The following KCNH8 variants were observed in gnomAD, a reference collection of about 807,000 sequenced individuals.
The protein encoded by KCNH8 is voltage-gated delayed rectifier potassium channel KCNH8.
Under a neutral mutation model 103.6 loss-of-function variants are expected in KCNH8, and 70 were observed. The observed-to-expected ratio is 0.68, with a 90% CI of 0.56 to 0.82. The LOEUF is 0.82. Among genes scored for constraint, KCNH8 ranks in the 40% least tolerant of loss-of-function variants. KCNH8 has a pLI of 0.00. For missense variants in KCNH8, 1,217 were observed against 1,329.9 expected (o/e 0.92, Z 1.32); for synonymous variants, 498 against 489.4 (o/e 1.02, Z -0.23).
chr3:19,508,932 G>A (rs76156395), intron 11 of KCNH8, among the ~76,000 whole-genome samples: 2,225 of 152,160 alleles, frequency 0.015, 55 homozygotes, highest in African/African-American at 0.049. Context: ...TATCTCTAAC[G>A]GTATCTGTGA....
At chr3:19,165,486 T>C (rs1413936062) in intron 1 of KCNH8, among the ~76,000 whole-genome samples, 1 of 152,180 alleles carries the variant, frequency 6.6e-6, no homozygotes, top group African/African-American at 2.4e-5. Context: ...TGATTTTTTT[T>C]GGTCATTAGC....
intron 1 of KCNH8, among the ~76,000 whole-genome samples, chr3:19,253,347 C>G (rs539928421): frequency 1.3e-5 from 2 of 151,994 alleles, no homozygotes; most frequent in African/African-American, 4.8e-5. Flanking sequence ...TATATGAAAC[C>G]AGAAGCCATG....
At chr3:19,519,096 C>T (rs2068926873) in intron 15 of KCNH8, among the ~76,000 whole-genome samples, 1 of 151,906 alleles carries the variant, frequency 6.6e-6, no homozygotes, top group Non-Finnish European at 1.5e-5. Flanking sequence ...CAAAATTATT[C>T]AACCAAGGAG....
At chr3:19,217,316 A>C (rs917641418) in intron 1 of KCNH8, among the ~76,000 whole-genome samples, 2 of 152,204 alleles carry the variant, frequency 1.3e-5, no homozygotes, top group Admixed American at 6.5e-5. Flanking sequence ...CCATTCTGTG[A>C]GCAAGTTGCA....
At position 19,513,211 on chromosome 3, in the gene KCNH8, C is replaced by G. The variant is rs780972391; in HGVS notation, c.2321C>G (p.Ser774Cys). The change falls in exon 13 of 16, where the codon TCC becomes TGC. Residue 774 changes from serine (S) to cysteine (C), a missense_variant. This residue lies in a region of KCNH8 where 558 missense variants were observed against 495.8 expected (regional missense o/e 1.13). Transcript: ENST00000328405. ...HSPIRVSRSN[S>C]PKTKQEIDPP... ...CCTATCAGAGTCTCCAGGTCAAATT[C>G]CCCCAAAACCAAGCAGGAAATTGAC... is the stretch of plus-strand genomic sequence containing the variant. 19 of 1,613,718 alleles carry G rather than the reference C, an allele frequency of 1.2e-5. No individual in the cohort carries two copies. The South Asian group carries it at 2.1e-4, about 18-fold the overall frequency.
intron 1 of KCNH8, among the ~76,000 whole-genome samples, chr3:19,213,199 CTTAAA>C (rs577632147): frequency 1.3e-5 from 2 of 152,174 alleles, no homozygotes; most frequent in Non-Finnish European, 2.9e-5. Context: ...ATCTATTTCT[CTTAAA>C]TTAAAGAGGA....
chr3:19,279,170 A>G (rs1394531004), intron 2 of KCNH8, among the ~76,000 whole-genome samples: 1 of 152,126 alleles, frequency 6.6e-6, no homozygotes, highest in Non-Finnish European at 1.5e-5. Flanking sequence ...TGTTTCTATC[A>G]TAGCTACAGC....
In KCNH8 at chr3:19,261,942, CTCTCTAT is replaced by C. The variant is rs1158272469; in HGVS notation, c.310+8059_310+8065del. Among the ~76,000 whole-genome samples the C allele has an allele frequency of 2.0e-5, 3 of 151,686 alleles. No individual in the cohort carries two copies. In the East Asian group the frequency reaches 5.8e-4, roughly 29 times the overall value. Reference sequence around the variant, plus strand: ...ATATATGTTTGGATTTATATCTGGGCTCTCTATTCTGTTTCCCTGTTCTTTGTCTGTT... The same window carrying C: ...ATATATGTTTGGATTTATATCTGGGCTCTGTTTCCCTGTTCTTTGTCTGTT... On this transcript the variant is annotated intron_variant, in intron 2 of 15. Coordinates refer to ENST00000328405, the MANE Select transcript of KCNH8 (RefSeq NM_144633.3).
At chr3:19,249,177 C>T (rs556346869) in intron 1 of KCNH8, among the ~76,000 whole-genome samples, 33 of 152,286 alleles carry the variant, frequency 2.2e-4, no homozygotes, top group Admixed American at 1.4e-3. Flanking sequence ...ATGATGATTT[C>T]GTAAGTATTA....
At chr3:19,483,143 TA>T (rs930355014) in intron 11 of KCNH8, among the ~76,000 whole-genome samples, 7 of 152,102 alleles carry the variant, frequency 4.6e-5, no homozygotes, top group African/African-American at 1.7e-4. Context: ...AAAGATGGTT[TA>T]AGAGTGCCAA....
intron 2 of KCNH8, among the ~76,000 whole-genome samples, chr3:19,280,195 G>T (rs1344150506): frequency 1.3e-5 from 2 of 151,778 alleles, no homozygotes; most frequent in Middle Eastern, 3.4e-3. Context: ...AGTACCATTT[G>T]GCTACTATAT....
rs187634757 is a variant in KCNH8, at chr3:19,403,722, A to T, written c.1177+8411A>T. On this transcript the variant is annotated intron_variant, in intron 7 of 15. Transcript: ENST00000328405. ...AACCAAAACAGACAAATTAGCTTTG[A>T]TGATGAAAATAAAAATCATAACCAC... Among the ~76,000 whole-genome samples, 441 of 151,874 alleles carry T rather than the reference A, an allele frequency of 2.9e-3. 5 individuals carry two copies. Among genetic ancestry groups the T allele is most frequent in the African/African-American group, 9.9e-3 (412 of 41,518 alleles).
intron 15 of KCNH8, among the ~76,000 whole-genome samples, chr3:19,523,299 A>G (rs2125249363): frequency 6.6e-6 from 1 of 152,124 alleles, no homozygotes. Context: ...GGCTTTAGAG[A>G]AAATTATTTT....
At chr3:19,385,602 CA>C (rs560180226) in intron 5 of KCNH8, among the ~76,000 whole-genome samples, 289 of 152,258 alleles carry the variant, frequency 1.9e-3, no homozygotes, top group African/African-American at 6.5e-3. Flanking sequence ...ACAATTCTGA[CA>C]AGATAAGCAA....
At chr3:19,353,207 A>G (rs1459493978) in intron 5 of KCNH8, among the ~76,000 whole-genome samples, 1 of 152,180 alleles carries the variant, frequency 6.6e-6, no homozygotes, top group East Asian at 1.9e-4. Flanking sequence ...CCCTGAATAG[A>G]CCAATAACAG....
chr3:19,392,951 TG>T (rs2066460840), intron 6 of KCNH8, among the ~76,000 whole-genome samples: 1 of 151,946 alleles, frequency 6.6e-6, no homozygotes, highest in African/African-American at 2.4e-5. Context: ...AGACTGAAAA[TG>T]CAACATATCT....
intron 1 of KCNH8, among the ~76,000 whole-genome samples, chr3:19,182,335 T>C (rs148635623): frequency 0.041 from 6,293 of 152,144 alleles, 468 homozygotes; most frequent in African/African-American, 0.14. Context: ...GAGACCATCC[T>C]GGCTAACACG....
At chr3:19,289,555 T>G (rs1559461189) in intron 3 of KCNH8, among the ~76,000 whole-genome samples, 1 of 152,184 alleles carries the variant, frequency 6.6e-6, no homozygotes, top group Non-Finnish European at 1.5e-5. Flanking sequence ...GCATTATTTC[T>G]GAGGGCTCTG....
At chr3:19,309,480 T>C (rs2065182322) in intron 3 of KCNH8, among the ~76,000 whole-genome samples, 1 of 152,004 alleles carries the variant, frequency 6.6e-6, no homozygotes, top group Non-Finnish European at 1.5e-5. Context: ...CACTCATTCA[T>C]TCAGCAGTCA....
Sources: gnomAD v4.1 joint callset for allele counts (sites outside exome capture counted in the v4.1 genomes callset) on GRCh38, gnomAD v4.1.1 for gene constraint, gnomAD v4.1.1 regional missense constraint, MANE v1.5 for transcripts, NCBI Gene and HGNC (gene_info 2026-07-23, HGNC 2026-07-21) for gene names.